CNTNAP5: variants seen among roughly 807,000 people sequenced by gnomAD.
CNTNAP5 encodes contactin-associated protein-like 5.
In CNTNAP5, 72 loss-of-function variants were observed where a neutral mutation model predicts 150.2. That is an observed-to-expected ratio of 0.48 (90% CI 0.40 to 0.58). The LOEUF is 0.58. CNTNAP5 is among the 20% of genes least tolerant of loss of function. The pLI is 0.00. For synonymous variants in CNTNAP5, 672 were observed against 619.8 expected (o/e 1.08, Z -1.25); for missense variants, 1,636 against 1,626.2 (o/e 1.01, Z -0.10).
Position 124,474,850 on chromosome 2 carries a change from G to T in CNTNAP5, c.1030G>T (p.Ala344Ser), listed in dbSNP as rs780107918. The T allele has an allele frequency of 1.2e-6, 2 of 1,606,242 alleles. No homozygotes were observed. The highest frequency in any genetic ancestry group is 1.7e-6 in the Non-Finnish European group (2 of 1,177,542). ...CAATGGAGTAAACATAATTGACCTG[G>T]CTAAGAGACGAAAGCATCAGATCTA... ...YYNGVNIIDL[A>S]KRRKHQIYTV... The change falls in exon 7 of 24, where the codon GCT (alanine) becomes TCT (serine). Residue 344 changes from alanine (A) to serine (S), a missense_variant. Physicochemically the swap from Ala to Ser is moderately conservative, Grantham distance 99. Transcript: ENST00000682447.
At chr2:124,463,812 C>A (rs2104823520) in intron 6 of CNTNAP5, among the ~76,000 whole-genome samples, 1 of 152,160 alleles carries the variant, frequency 6.6e-6, no homozygotes, top group Admixed American at 6.5e-5. Flanking sequence ...GTAGAAGAAG[C>A]TAGGGGGACA....
At chr2:124,424,423 T>C (rs1423220322) in intron 4 of CNTNAP5, among the ~76,000 whole-genome samples, 3 of 152,202 alleles carry the variant, frequency 2.0e-5, no homozygotes, top group Non-Finnish European at 4.4e-5. Context: ...TGAACTTTGA[T>C]TCCCACTTTG....
intron 4 of CNTNAP5, among the ~76,000 whole-genome samples, chr2:124,431,939 A>T (rs1228976820): frequency 6.6e-6 from 1 of 152,046 alleles, no homozygotes; most frequent in Non-Finnish European, 1.5e-5. Flanking sequence ...TTTACCAGGG[A>T]ACCAAAGGCA....
chr2:124,228,163 G>T (rs191925465), intron 2 of CNTNAP5, among the ~76,000 whole-genome samples: 1 of 152,032 alleles, frequency 6.6e-6, no homozygotes, highest in Non-Finnish European at 1.5e-5. Flanking sequence ...ACTGGTATCA[G>T]TCCCAGAGCC....
At chr2:124,688,827 C>T (rs1452717610) in intron 13 of CNTNAP5, among the ~76,000 whole-genome samples, 1 of 152,054 alleles carries the variant, frequency 6.6e-6, no homozygotes, top group Non-Finnish European at 1.5e-5. Flanking sequence ...ATGGGTGCCT[C>T]ATGCGGACAA....
At chr2:124,473,452 G>A (rs1361237560) in intron 6 of CNTNAP5, among the ~76,000 whole-genome samples, 1 of 151,794 alleles carries the variant, frequency 6.6e-6, no homozygotes, top group African/African-American at 2.4e-5. Flanking sequence ...GTAAAAGTGG[G>A]CAACAGGATT....
chr2:124,237,761 C>T (rs986835752), intron 2 of CNTNAP5, among the ~76,000 whole-genome samples: 1 of 151,782 alleles, frequency 6.6e-6, no homozygotes, highest in Non-Finnish European at 1.5e-5. Context: ...CGCGTCAACC[C>T]ATGAGGCAGA....
At chr2:124,424,107 A>G (rs1692185898) in intron 4 of CNTNAP5, among the ~76,000 whole-genome samples, 3 of 152,136 alleles carry the variant, frequency 2.0e-5, no homozygotes, top group Admixed American at 6.5e-5. Flanking sequence ...TATTTGGTTA[A>G]TTACTCGCAA....
intron 1 of CNTNAP5, among the ~76,000 whole-genome samples, chr2:124,028,594 C>A (rs916010050): frequency 1.3e-5 from 2 of 152,022 alleles, no homozygotes; most frequent in Non-Finnish European, 2.9e-5. Flanking sequence ...CTGGGTTTAT[C>A]CTGAGGGAAT....
chr2:124,526,616 T>G (rs1314102588), intron 9 of CNTNAP5, among the ~76,000 whole-genome samples: 2 of 152,196 alleles, frequency 1.3e-5, no homozygotes, highest in Admixed American at 1.3e-4. Context: ...ACTAAATCAG[T>G]GTAATTTTTT....
intron 13 of CNTNAP5, among the ~76,000 whole-genome samples, chr2:124,715,646 T>C (rs1679929431): frequency 6.6e-6 from 1 of 152,204 alleles, no homozygotes; most frequent in Non-Finnish European, 1.5e-5. Context: ...GGTATTTTTC[T>C]TTAAGGAACA....
chr2:124,624,580 A>G (rs891275087), intron 12 of CNTNAP5, among the ~76,000 whole-genome samples: 9 of 152,242 alleles, frequency 5.9e-5, no homozygotes, highest in African/African-American at 9.6e-5. Flanking sequence ...AAATTAAGTA[A>G]TTCAAATAAA....
intron 1 of CNTNAP5, among the ~76,000 whole-genome samples, chr2:124,135,640 C>T (rs1683957703): frequency 6.6e-6 from 1 of 152,212 alleles, no homozygotes; most frequent in Non-Finnish European, 1.5e-5. Flanking sequence ...AAGCTTGTCT[C>T]ATCCTCTAGC....
chr2:124,164,196 A>C (rs941406536), intron 1 of CNTNAP5, among the ~76,000 whole-genome samples: 2 of 152,332 alleles, frequency 1.3e-5, no homozygotes, highest in African/African-American at 4.8e-5. Flanking sequence ...CGCTGCCATG[A>C]ACACGCAATA....
chr2:124,179,308 T>G (rs1685153018), intron 1 of CNTNAP5, among the ~76,000 whole-genome samples: 1 of 152,052 alleles, frequency 6.6e-6, no homozygotes, highest in South Asian at 2.1e-4. Context: ...TACAGGCATG[T>G]GCCACCATGC....
At chr2:124,335,739 G>T (rs991319466) in intron 3 of CNTNAP5, among the ~76,000 whole-genome samples, 1 of 151,788 alleles carries the variant, frequency 6.6e-6, no homozygotes, top group South Asian at 2.1e-4. Context: ...ACTGGTAAAG[G>T]TCTCTTACCT....
intron 19 of CNTNAP5, among the ~76,000 whole-genome samples, chr2:124,839,263 T>C (rs1216099969): frequency 6.6e-6 from 1 of 151,588 alleles, no homozygotes; most frequent in Non-Finnish European, 1.5e-5. Context: ...ATAAAGAGAG[T>C]ATATTTTATA....
At chr2:124,202,382 A>T (rs543423723) in intron 1 of CNTNAP5, among the ~76,000 whole-genome samples, 1 of 152,324 alleles carries the variant, frequency 6.6e-6, no homozygotes, top group East Asian at 1.9e-4. Context: ...TTTTGAAGGA[A>T]AACTTTGGTT....
At chr2:124,097,279 C>T (rs947794639) in intron 1 of CNTNAP5, among the ~76,000 whole-genome samples, 1 of 152,130 alleles carries the variant, frequency 6.6e-6, no homozygotes, top group South Asian at 2.1e-4. Flanking sequence ...CTGACACAGA[C>T]GTTGTGATTC....
Sources: allele counts gnomAD v4.1 joint callset (sites outside exome capture counted in the v4.1 genomes callset), GRCh38; gene constraint gnomAD v4.1.1; transcripts MANE v1.5; gene names NCBI Gene and HGNC (gene_info 2026-07-23, HGNC 2026-07-21).